SSBP4: variants seen among roughly 807,000 people sequenced by gnomAD.
The protein encoded by SSBP4 is single-stranded DNA-binding protein 4.
SSBP4 carries 33 observed loss-of-function variants against 64.6 expected under a neutral mutation model. The observed-to-expected ratio is 0.51, with a 90% CI of 0.39 to 0.68. SSBP4 has a LOEUF of 0.68. SSBP4 is among the 30% of genes least tolerant of loss of function. SSBP4 has a pLI of 0.00. For synonymous variants in SSBP4, 243 were observed against 224.0 expected (o/e 1.08, Z -0.76); for missense variants, 583 against 566.8 (o/e 1.03, Z -0.29).
chr19:18,431,312 G>A (rs1600342831), intron 5 of SSBP4, 41 bp from the exon 6 acceptor site: 1 of 639,984 alleles, frequency 1.6e-6, no homozygotes, highest in African/African-American at 1.9e-5. Flanking sequence ...AAACCCAGTA[G>A]GGCCTCACTC....
upstream of SSBP4, among the ~76,000 whole-genome samples, chr19:18,416,436 G>A (rs1053888857): frequency 6.6e-6 from 1 of 152,128 alleles, no homozygotes; most frequent in African/African-American, 2.4e-5. Flanking sequence ...CTCGGCCTCC[G>A]AAGTGCTGGG....
chr19:18,419,219 C>T (rs913229564), upstream of SSBP4: 13 of 987,654 alleles, frequency 1.3e-5, no homozygotes, highest in African/African-American at 1.7e-4. Context: ...GGTGGCCGTC[C>T]GGGATCCTGA....
At chr19:18,434,049 C>T in intron 17 of SSBP4, 168 bp from the exon 18 acceptor site, 1 of 1,298,668 alleles carries the variant, frequency 7.7e-7, no homozygotes, top group Non-Finnish European at 9.8e-7. Context: ...GACCCGCGCC[C>T]CAGGGCGGCC....
chr19:18,403,844 G>C, the SSBP4 span, among the ~76,000 whole-genome samples: 1 of 152,010 alleles, frequency 6.6e-6, no homozygotes, highest in Non-Finnish European at 1.5e-5. Context: ...CTGGGAAAGG[G>C]GACAGCTCAA....
chr19:18,433,298 G>C, intron 15 of SSBP4, 85 bp downstream of exon 15: 1 of 1,490,150 alleles, frequency 6.7e-7, no homozygotes, highest in Non-Finnish European at 9.0e-7. Flanking sequence ...CAGCCCGCCT[G>C]CCGGGTGGAG....
Position 18,427,351 on chromosome 19 carries a change from G to T in SSBP4, c.60G>T (p.Lys20Asn). The T allele has an allele frequency of 6.2e-7, 1 of 1,609,988 alleles. No homozygotes were observed. The stretch of plus-strand genomic sequence containing the variant: ...TCCCTGGGCCGCCTCGCCCCCACAG[G>T]TTGGCGCTGTACGTTTATGAGTACC... ...AVPSDSQARE[K>N]LALYVYEYLL... The change falls in exon 2 of 18, where the codon AAG becomes AAT. Residue 20 changes from lysine to asparagine, a missense_variant and splice_region_variant. By Grantham distance (94) the Lys-to-Asn change is moderately conservative. Coordinates refer to ENST00000270061, the MANE Select transcript of SSBP4 (RefSeq NM_032627.5). The surrounding 1 kb of genome is among the most constrained non-coding windows in gnomAD (Gnocchi z 4.4).
Position 18,428,010 on chromosome 19 carries a change from G to T in SSBP4, c.279+28G>T, listed in dbSNP as rs373601671. On this transcript the variant is annotated intron_variant, in intron 4 of 17. Transcript: ENST00000270061. ...GAGTCCTGGCCCCAGGGACTCAGGG[G>T]CTCCAGGGCGGGAGGTGTGCTGGGC... The T allele has an allele frequency of 1.3e-4, 204 of 1,601,196 alleles. 1 individual carries two copies. Among genetic ancestry groups the T allele is most frequent in the Non-Finnish European group, 1.7e-4 (196 of 1,177,504 alleles).
chr19:18,422,169 CAAAAAAGAAA>C (rs896788517), intron 1 of SSBP4, among the ~76,000 whole-genome samples: 4 of 151,820 alleles, frequency 2.6e-5, no homozygotes, highest in Non-Finnish European at 2.9e-5. Context: ...TCAAAAAGAA[CAAAAAAGAAA>C]AACAGTGAAA....
upstream of SSBP4, among the ~76,000 whole-genome samples, chr19:18,414,022 A>C (rs956574483): frequency 1.3e-4 from 19 of 151,604 alleles, no homozygotes; most frequent in Non-Finnish European, 2.6e-4. Flanking sequence ...ATCTCAAAAA[A>C]ACAAACAAAC....
chr19:18,409,578 G>A, the SSBP4 span, among the ~76,000 whole-genome samples: 10 of 151,964 alleles, frequency 6.6e-5, no homozygotes, highest in East Asian at 5.8e-4. Flanking sequence ...TCAAGGAGTC[G>A]GGAGAGTAGG....
rs774951211 is a variant in SSBP4, at chr19:18,427,364, G to A, written c.73G>A (p.Val25Ile). The A allele has an allele frequency of 3.1e-6, 5 of 1,610,566 alleles. No homozygotes were observed. Among genetic ancestry groups the A allele is most frequent in the Admixed American group, 1.7e-5 (1 of 59,986 alleles). The change falls in exon 2 of 18, where the codon GTT (valine) becomes ATT (isoleucine). Residue 25 changes from valine (V) to isoleucine (I), a missense_variant. Transcript: ENST00000270061. The surrounding 1 kb of genome is among the most constrained non-coding windows in gnomAD (Gnocchi z 4.4). The stretch of plus-strand genomic sequence containing the variant: ...TCGCCCCCACAGGTTGGCGCTGTAC[G>A]TTTATGAGTACCTGCTGCACATCGG... ...SQAREKLALY[V>I]YEYLLHIGAQ...
Position 18,432,460 on chromosome 19 carries a change from G to A in SSBP4, c.705-99G>A. ...CAGCAACATCTGCTGCTCTGTGGTC[G>A]GTCTGGGGATACAGTGGAGCAGGGT... On this transcript the variant is annotated intron_variant, in intron 10 of 17. Coordinates refer to ENST00000270061, the MANE Select transcript of SSBP4 (RefSeq NM_032627.5). 3.4e-6 allele frequency: 5 copies of A among 1,477,094 alleles called. No homozygotes were observed. The Admixed American group carries it at 6.4e-5, about 19-fold the overall frequency. The allele number at this position is 1,477,094 out of a possible 1,614,324, so 91.5% of individuals were successfully genotyped here. A position where few individuals can be genotyped will look rare whatever the true frequency, so the allele number is the denominator to read the frequency against.
chr19:18,408,036 C>T, the SSBP4 span, among the ~76,000 whole-genome samples: 374 of 152,308 alleles, frequency 2.5e-3, 3 homozygotes, highest in African/African-American at 8.3e-3. Flanking sequence ...TGAGCCACCA[C>T]GCCCGCCCTG....
intron 6 of SSBP4, 21 bp downstream of exon 6, chr19:18,431,439 C>T: frequency 7.0e-7 from 1 of 1,430,798 alleles, no homozygotes. Flanking sequence ...GTGGTGCCTG[C>T]CCCTCACACA....
chr19:18,428,063 C>CG, intron 4 of SSBP4, 81 bp downstream of exon 4: 1 of 1,347,472 alleles, frequency 7.4e-7, no homozygotes, highest in Non-Finnish European at 1.0e-6. Flanking sequence ...GGGTGGGGGG[C>CG]TGCACAGCCA....
chr19:18,425,868 A>C (rs1359628144), intron 1 of SSBP4: 1 of 152,370 alleles, frequency 6.6e-6, no homozygotes, highest in South Asian at 2.1e-4. Context: ...CCGTAGCCTC[A>C]GCGCCTTCCA....
At chr19:18,411,473 C>G in the SSBP4 span, among the ~76,000 whole-genome samples, 1 of 151,716 alleles carries the variant, frequency 6.6e-6, no homozygotes, top group Non-Finnish European at 1.5e-5. Context: ...CCAGCCTGGG[C>G]AACAGAGCGA....
At chr19:18,419,300 C>T (rs1286780651), upstream of SSBP4, 22 of 1,002,752 alleles carry the variant, frequency 2.2e-5, no homozygotes, top group Non-Finnish European at 2.6e-5. Context: ...GCGGCGGGAC[C>T]CACCCGCGCG....
upstream of SSBP4, among the ~76,000 whole-genome samples, chr19:18,416,630 C>T (rs935298530): frequency 1.3e-5 from 2 of 152,366 alleles, no homozygotes; most frequent in African/African-American, 4.8e-5. Context: ...CATCATCCCC[C>T]TCTTCTTCAC....
Sources: allele counts gnomAD v4.1 joint callset (sites outside exome capture counted in the v4.1 genomes callset), GRCh38; gene constraint gnomAD v4.1.1; non-coding constraint Gnocchi (gnomAD v3.1); transcripts MANE v1.5; gene names NCBI Gene and HGNC (gene_info 2026-07-23, HGNC 2026-07-21).